Variants in ALCAM observed in about 807,000 individuals in gnomAD.
ALCAM encodes CD166 antigen.
Under a neutral mutation model 70.9 loss-of-function variants are expected in ALCAM, and 30 were observed. The observed-to-expected ratio is 0.42, with a 90% CI of 0.32 to 0.57. The LOEUF (loss-of-function observed/expected upper bound fraction) is 0.57, where lower values mean the gene tolerates loss of function less well. Ranked by LOEUF, ALCAM falls within the 20% of genes least tolerant of loss-of-function variation. ALCAM has a pLI of 0.11. For missense variants in ALCAM, 591 were observed against 695.1 expected, an observed-to-expected ratio of 0.85 and a Z score of 1.68; for synonymous variants, 249 against 242.5, an observed-to-expected ratio of 1.03 and a Z score of -0.25.
At chr3:105,562,330 C>T (rs1206868204) in intron 14 of ALCAM, among the ~76,000 whole-genome samples, 1 of 152,094 alleles carries the variant, frequency 6.6e-6, no homozygotes, top group African/African-American at 2.4e-5. Flanking sequence ...TTTACTATTC[C>T]TAGATTACCA....
At chr3:105,559,262 TTATA>T (rs946779740) in intron 14 of ALCAM, among the ~76,000 whole-genome samples, 6 of 147,890 alleles carry the variant, frequency 4.1e-5, no homozygotes, top group African/African-American at 1.2e-4. Flanking sequence ...ATATACATAT[TTATA>T]TATACATATA....
At chr3:105,432,893 A>T (rs138014568) in intron 1 of ALCAM, among the ~76,000 whole-genome samples, 105 of 152,270 alleles carry the variant, frequency 6.9e-4, no homozygotes, top group African/African-American at 2.4e-3. Flanking sequence ...TTCTAATCAT[A>T]TTCTGTGAAA....
At chr3:105,517,898 G>GA (rs1271063532) in intron 1 of ALCAM, among the ~76,000 whole-genome samples, 1 of 152,072 alleles carries the variant, frequency 6.6e-6, no homozygotes, top group Admixed American at 6.6e-5. Context: ...TAGATGCTAG[G>GA]CGTTGTTTCT....
chr3:105,374,353 C>G (rs958086029), intron 1 of ALCAM, among the ~76,000 whole-genome samples: 1 of 151,940 alleles, frequency 6.6e-6, no homozygotes, highest in African/African-American at 2.4e-5. Flanking sequence ...GCCAAGAGTT[C>G]GAGACCAGCC....
chr3:105,490,626 G>T (rs1938556395), intron 1 of ALCAM, among the ~76,000 whole-genome samples: 1 of 152,094 alleles, frequency 6.6e-6, no homozygotes, highest in Non-Finnish European at 1.5e-5. Flanking sequence ...TTAGGATATG[G>T]TTTCTGAACA....
chr3:105,536,934 T>C (rs910972454), intron 6 of ALCAM, among the ~76,000 whole-genome samples: 1 of 152,126 alleles, frequency 6.6e-6, no homozygotes, highest in Non-Finnish European at 1.5e-5. Context: ...TTAGTGGGTA[T>C]AGGACGGTGA....
intron 1 of ALCAM, among the ~76,000 whole-genome samples, chr3:105,505,302 C>T (rs1939040549): frequency 1.3e-5 from 2 of 152,168 alleles, no homozygotes; most frequent in South Asian, 4.1e-4. Context: ...AACTTGCAAT[C>T]GTGGCGGAAG....
intron 1 of ALCAM, among the ~76,000 whole-genome samples, chr3:105,388,550 A>C (rs1935717551): frequency 1.3e-5 from 2 of 151,596 alleles, no homozygotes; most frequent in African/African-American, 4.8e-5. Flanking sequence ...TTTGGTGATA[A>C]ATTTAGTAAT....
At chr3:105,554,559 T>C (rs1347313662) in intron 14 of ALCAM, among the ~76,000 whole-genome samples, 2 of 152,004 alleles carry the variant, frequency 1.3e-5, no homozygotes, top group Non-Finnish European at 2.9e-5. Context: ...CCCAGTCAAG[T>C]TGACACATAA....
At chr3:105,416,001 C>T (rs1936498134) in intron 1 of ALCAM, among the ~76,000 whole-genome samples, 1 of 152,034 alleles carries the variant, frequency 6.6e-6, no homozygotes, top group Non-Finnish European at 1.5e-5. Context: ...TTTGCTAAGA[C>T]AAACCAGATA....
intron 1 of ALCAM, among the ~76,000 whole-genome samples, chr3:105,472,582 A>G (rs1937965674): frequency 6.6e-6 from 1 of 151,564 alleles, no homozygotes; most frequent in Non-Finnish European, 1.5e-5. Context: ...ACAATGTGAC[A>G]ATATACCTGT....
chr3:105,460,190 C>A (rs1325594421), intron 1 of ALCAM, among the ~76,000 whole-genome samples: 2 of 151,788 alleles, frequency 1.3e-5, no homozygotes, highest in East Asian at 3.9e-4. Context: ...CCTTTTTTCC[C>A]TTTTGTCGTT....
At chr3:105,552,005 G>GA in intron 12 of ALCAM, 139 bp from the exon 13 acceptor site, 1 of 522,478 alleles carries the variant, frequency 1.9e-6, no homozygotes, top group South Asian at 3.5e-5. Flanking sequence ...TATTAAGTGT[G>GA]ATTTTTTTTT....
chr3:105,466,589 A>C (rs1329255359), intron 1 of ALCAM, among the ~76,000 whole-genome samples: 1 of 151,348 alleles, frequency 6.6e-6, no homozygotes, highest in Non-Finnish European at 1.5e-5. Flanking sequence ...ATGTGGCCCA[A>C]AGGTTAACTT....
chr3:105,516,116 T>A (rs1939373637), intron 1 of ALCAM, among the ~76,000 whole-genome samples: 1 of 151,368 alleles, frequency 6.6e-6, no homozygotes, highest in South Asian at 2.1e-4. Flanking sequence ...GAAAATAGAC[T>A]GTCTAATTCT....
intron 1 of ALCAM, among the ~76,000 whole-genome samples, chr3:105,380,069 T>C (rs1334108111): frequency 2.0e-5 from 3 of 151,864 alleles, no homozygotes; most frequent in Non-Finnish European, 2.9e-5. Context: ...AAAACTGTTA[T>C]ATATTTGAAT....
chr3:105,511,850 C>T (rs1342487687), intron 1 of ALCAM, among the ~76,000 whole-genome samples: 3 of 151,290 alleles, frequency 2.0e-5, no homozygotes, highest in South Asian at 4.2e-4. Context: ...ATCACTCAAC[C>T]AATTCAGAAG....
intron 14 of ALCAM, among the ~76,000 whole-genome samples, chr3:105,555,065 G>T (rs953280625): frequency 6.6e-6 from 1 of 151,950 alleles, no homozygotes; most frequent in African/African-American, 2.4e-5. Flanking sequence ...TTGTGTGTGT[G>T]TATGTGTTCT....
intron 1 of ALCAM, among the ~76,000 whole-genome samples, chr3:105,371,295 T>C (rs1449661677): frequency 2.6e-5 from 4 of 152,188 alleles, no homozygotes; most frequent in Non-Finnish European, 5.9e-5. Flanking sequence ...AAATTATTTT[T>C]CTGCTCTTTT....
Sources: allele counts gnomAD v4.1 joint callset (sites outside exome capture counted in the v4.1 genomes callset), GRCh38; gene constraint gnomAD v4.1.1; transcripts MANE v1.5; gene names NCBI Gene and HGNC (gene_info 2026-07-23, HGNC 2026-07-21).